SLC14A2: variants seen among roughly 807,000 people sequenced by gnomAD.
The protein encoded by SLC14A2 is urea transporter 2.
Under a neutral mutation model 104.6 loss-of-function variants are expected in SLC14A2, and 91 were observed. The ratio of observed to expected loss-of-function variants is 0.87; its 90% CI spans 0.73 to 1.04. The LOEUF is 1.04. SLC14A2 is among the 50% of genes least tolerant of loss of function. The probability of loss-of-function intolerance (pLI) is 0.00; values close to 1 mark genes in which losing one functional copy is unlikely to be tolerated. For synonymous variants in SLC14A2, 476 were observed against 466.4 expected, an observed-to-expected ratio of 1.02 and a Z score of -0.27; for missense variants, 1,189 against 1,156.0, an observed-to-expected ratio of 1.03 and a Z score of -0.41.
chr18:45,513,555 G>A (rs903586140), intron 2 of SLC14A2, among the ~76,000 whole-genome samples: 11 of 152,196 alleles, frequency 7.2e-5, no homozygotes, highest in Non-Finnish European at 1.0e-4. Flanking sequence ...ACTGTAATCA[G>A]AAGTTGACTA....
In SLC14A2 at chr18:45,512,220, C is replaced by A. The variant is rs183077082; in HGVS notation, c.-35+28898C>A. On this transcript the variant is annotated intron_variant, in intron 2 of 20. Transcript: ENST00000586448. ...AGCATCCCTGGGCAACAGATGAATT[C>A]CAGTCCCCATCAGATGGTGGAGGTG... is the stretch of plus-strand genomic sequence containing the variant. 2.7e-3 allele frequency among the ~76,000 whole-genome samples: 413 copies of A among 152,236 alleles called. 2 individuals carry two copies. Among genetic ancestry groups the A allele is most frequent in the Non-Finnish European group, 4.2e-3 (288 of 68,018 alleles).
intron 1 of SLC14A2, among the ~76,000 whole-genome samples, chr18:45,482,179 G>T (rs188266840): frequency 1.2e-4 from 18 of 152,302 alleles, no homozygotes; most frequent in Non-Finnish European, 2.2e-4. Context: ...AAAGAAGAAC[G>T]TGTACCAATG....
intron 1 of SLC14A2, among the ~76,000 whole-genome samples, chr18:45,424,933 G>T (rs966863365): frequency 6.6e-6 from 1 of 152,134 alleles, no homozygotes; most frequent in Non-Finnish European, 1.5e-5. Context: ...AGTGCTGGGG[G>T]CTATTTCTCT....
intron 1 of SLC14A2, among the ~76,000 whole-genome samples, chr18:45,467,133 T>G (rs2144656761): frequency 6.6e-6 from 1 of 152,208 alleles, no homozygotes; most frequent in Non-Finnish European, 1.5e-5. Context: ...ATGGGACTTG[T>G]GATGGGAGAA....
chr18:45,568,947 A>G (rs1599015420), intron 2 of SLC14A2, among the ~76,000 whole-genome samples: 3 of 152,240 alleles, frequency 2.0e-5, no homozygotes, highest in Admixed American at 1.3e-4. Context: ...CAGTAAAAGA[A>G]GAGGAATGTA....
At chr18:45,570,213 C>T (rs2044325612) in intron 2 of SLC14A2, among the ~76,000 whole-genome samples, 1 of 152,152 alleles carries the variant, frequency 6.6e-6, no homozygotes, top group African/African-American at 2.4e-5. Context: ...CCTAATTTTC[C>T]ATGTGACTTT....
chr18:45,529,431 C>T (rs2043647765), intron 2 of SLC14A2: 1 of 152,084 alleles, frequency 6.6e-6, no homozygotes, highest in Non-Finnish European at 1.5e-5. Context: ...CTGGTACTTC[C>T]TCCTCACCTA....
At chr18:45,471,481 C>A (rs1326894320) in intron 1 of SLC14A2, among the ~76,000 whole-genome samples, 1 of 152,090 alleles carries the variant, frequency 6.6e-6, no homozygotes, top group Non-Finnish European at 1.5e-5. Flanking sequence ...AATTATACTT[C>A]TCCAAATACA....
chr18:45,376,702 A>C (rs920017673), intron 1 of SLC14A2, among the ~76,000 whole-genome samples: 3 of 152,192 alleles, frequency 2.0e-5, no homozygotes, highest in African/African-American at 7.2e-5. Context: ...GGGTGGGGAC[A>C]TCCCTAAAAG....
intron 1 of SLC14A2, among the ~76,000 whole-genome samples, chr18:45,472,224 G>GCAT (rs1261726949): frequency 1.3e-5 from 2 of 151,818 alleles, no homozygotes; most frequent in African/African-American, 4.8e-5. Context: ...TTTTCATGCT[G>GCAT]CATAGTATTC....
At chr18:45,466,826 C>G (rs529371805) in intron 1 of SLC14A2, among the ~76,000 whole-genome samples, 3 of 152,236 alleles carry the variant, frequency 2.0e-5, no homozygotes, top group African/African-American at 7.2e-5. Context: ...TAAATTACCA[C>G]ATTCACTGAT....
chr18:45,482,348 G>C (rs1243560149), intron 1 of SLC14A2: 1 of 152,144 alleles, frequency 6.6e-6, no homozygotes, highest in Admixed American at 6.6e-5. Context: ...ATCTATGGCT[G>C]TTTTACACCA....
At chr18:45,331,817 A>G (rs2085294104) in intron 1 of SLC14A2, among the ~76,000 whole-genome samples, 1 of 152,212 alleles carries the variant, frequency 6.6e-6, no homozygotes, top group African/African-American at 2.4e-5. Context: ...TTCCTGCACC[A>G]AAAACACAAA....
upstream of SLC14A2, among the ~76,000 whole-genome samples, chr18:45,613,245 AT>A (rs1330419297): frequency 6.6e-6 from 1 of 151,868 alleles, no homozygotes; most frequent in Non-Finnish European, 1.5e-5. Context: ...CGTGGTCTTG[AT>A]CTCCTGACCT....
chr18:45,648,813 T>A (rs1167228894), intron 10 of SLC14A2, among the ~76,000 whole-genome samples: 1 of 152,228 alleles, frequency 6.6e-6, no homozygotes, highest in African/African-American at 2.4e-5. Flanking sequence ...TTCATTGTTC[T>A]CGTTTTAGAA....
At chr18:45,271,881 T>C (rs1051606422) in intron 1 of SLC14A2, among the ~76,000 whole-genome samples, 4 of 152,220 alleles carry the variant, frequency 2.6e-5, no homozygotes, top group East Asian at 1.9e-4. Context: ...AGGAACCACA[T>C]TGCCTGACTT....
intron 1 of SLC14A2, among the ~76,000 whole-genome samples, chr18:45,329,592 C>T (rs1387874432): frequency 6.6e-6 from 1 of 151,948 alleles, no homozygotes; most frequent in Non-Finnish European, 1.5e-5. Flanking sequence ...GGTTTTTTTT[C>T]CCCACTTTTT....
chr18:45,203,228 AG>A, the SLC14A2 span, among the ~76,000 whole-genome samples: 2 of 152,296 alleles, frequency 1.3e-5, no homozygotes, highest in East Asian at 3.9e-4. Context: ...AGAGTGAGCC[AG>A]GAAAACAAGC....
chr18:45,593,544 C>T (rs1396218959), intron 2 of SLC14A2, among the ~76,000 whole-genome samples: 3 of 120,560 alleles, frequency 2.5e-5, no homozygotes, highest in African/African-American at 9.9e-5. Flanking sequence ...GGCTGGAGTG[C>T]AGTGGCACGA....
Sources: gnomAD v4.1 joint callset for allele counts (sites outside exome capture counted in the v4.1 genomes callset) on GRCh38, gnomAD v4.1.1 for gene constraint, MANE v1.5 for transcripts, NCBI Gene and HGNC (gene_info 2026-07-23, HGNC 2026-07-21) for gene names.